The following LINGO2 variants were observed in gnomAD, a reference collection of about 807,000 sequenced individuals.
LINGO2 encodes leucine rich repeat and Ig domain containing 2.
A neutral mutation model predicts 30.6 loss-of-function variants in LINGO2; 14 were observed. The ratio of observed to expected loss-of-function variants is 0.46; its 90% CI spans 0.30 to 0.72. The LOEUF (loss-of-function observed/expected upper bound fraction) is 0.72, where lower values mean the gene tolerates loss of function less well. LINGO2 is among the 30% of genes least tolerant of loss of function. The pLI is 0.07. For missense variants in LINGO2, 729 were observed against 751.7 expected, an observed-to-expected ratio of 0.97 and a Z score of 0.35; for synonymous variants, 317 against 288.5, an observed-to-expected ratio of 1.10 and a Z score of -1.00.
intron 4 of LINGO2, among the ~76,000 whole-genome samples, chr9:28,232,662 AATTATT>A (rs1166779314): frequency 1.3e-5 from 2 of 151,974 alleles, no homozygotes; most frequent in Non-Finnish European, 2.9e-5. Flanking sequence ...AGTATACAAT[AATTATT>A]ATTAACTGCA....
intron 3 of LINGO2, among the ~76,000 whole-genome samples, chr9:28,296,718 T>G (rs183228521): frequency 6.7e-4 from 102 of 152,328 alleles, no homozygotes; most frequent in Admixed American, 7.2e-4. Context: ...TATGTGACAC[T>G]AAATGACAAT....
intron 2 of LINGO2, among the ~76,000 whole-genome samples, chr9:28,466,754 A>G (rs1825319172): frequency 6.6e-6 from 1 of 152,160 alleles, no homozygotes; most frequent in African/African-American, 2.4e-5. Flanking sequence ...TTATAAATTA[A>G]AAAAAGACAG....
intron 1 of LINGO2, among the ~76,000 whole-genome samples, chr9:28,642,129 C>A (rs1440058709): frequency 6.6e-6 from 1 of 151,066 alleles, no homozygotes; most frequent in Non-Finnish European, 1.5e-5. Context: ...TTAACATACA[C>A]TTTTACTCAG....
chr9:28,304,665 G>C (rs889607403), intron 3 of LINGO2, among the ~76,000 whole-genome samples: 2 of 151,860 alleles, frequency 1.3e-5, no homozygotes, highest in African/African-American at 2.4e-5. Flanking sequence ...AAGTCTTTTT[G>C]TGGATATATG....
chr9:28,012,608 T>A (rs1453483131), intron 4 of LINGO2, among the ~76,000 whole-genome samples: 2 of 151,894 alleles, frequency 1.3e-5, no homozygotes, highest in African/African-American at 4.8e-5. Context: ...CTCCTCCTTT[T>A]CTCACCCTAC....
At chr9:28,976,807 ATGTTTATTACTC>A in the LINGO2 span, among the ~76,000 whole-genome samples, 3 of 152,012 alleles carry the variant, frequency 2.0e-5, no homozygotes, top group East Asian at 5.8e-4. Context: ...TCTCCAATTG[ATGTTTATTACTC>A]TCAAGTTTTG....
intron 1 of LINGO2, among the ~76,000 whole-genome samples, chr9:28,520,809 G>A (rs1371280848): frequency 6.6e-6 from 1 of 152,102 alleles, no homozygotes; most frequent in Non-Finnish European, 1.5e-5. Flanking sequence ...AAAGCATGAA[G>A]GTACAATAAT....
chr9:28,029,543 G>A lies in LINGO2; in HGVS notation c.-86-17138C>T, dbSNP rs574572667. On this transcript the variant is annotated intron_variant, in intron 4 of 5. Coordinates refer to ENST00000379992, the Ensembl canonical transcript of LINGO2. ...ACCACTCTGAGTACCAGCAGCAGGA[G>A]CAGCTATGAAAGGAACCACATTTAT... 3.7e-4 allele frequency among the ~76,000 whole-genome samples: 57 copies of A among 152,246 alleles called. 1 individual carries two copies. In the South Asian group the frequency reaches 9.3e-3, roughly 25 times the overall value.
At chr9:27,986,875 C>G (rs931520186) in intron 5 of LINGO2, among the ~76,000 whole-genome samples, 2 of 151,790 alleles carry the variant, frequency 1.3e-5, no homozygotes, top group African/African-American at 2.4e-5. Flanking sequence ...TGGGGATGTT[C>G]TACTATCCAA....
intron 5 of LINGO2, among the ~76,000 whole-genome samples, chr9:27,961,898 T>G (rs1261073291): frequency 6.6e-6 from 1 of 152,116 alleles, no homozygotes; most frequent in African/African-American, 2.4e-5. Context: ...TTATTTACAC[T>G]CTTTTGACAA....
At chr9:28,599,312 C>G (rs1825356525) in intron 1 of LINGO2, 1 of 152,082 alleles carries the variant, frequency 6.6e-6, no homozygotes, top group African/African-American at 2.4e-5. Context: ...GAACATTTTT[C>G]TTGCAGAGTT....
At position 28,452,726 on chromosome 9, in the gene LINGO2, T is replaced by G. The variant is rs904229504; in HGVS notation, c.-279+23214A>C. Among the ~76,000 whole-genome samples, 4 of 151,838 alleles carry G rather than the reference T, an allele frequency of 2.6e-5. No individual in the cohort carries two copies. In the East Asian group the frequency reaches 7.7e-4, roughly 29 times the overall value. On this transcript the variant is annotated intron_variant, in intron 2 of 5. Transcript: ENST00000379992. ...AATATAGAAATGCCTGGGCTGGGTCTGGAAGAATTAGTAGAAATTTGCTAG... is the reference window on the plus strand; with the variant it reads ...AATATAGAAATGCCTGGGCTGGGTCGGGAAGAATTAGTAGAAATTTGCTAG...
chr9:28,312,637 T>C (rs1399720861), intron 3 of LINGO2, among the ~76,000 whole-genome samples: 1 of 152,136 alleles, frequency 6.6e-6, no homozygotes, highest in Non-Finnish European at 1.5e-5. Context: ...AAATAAGTCT[T>C]TATCCCTTCT....
chr9:28,005,106 G>C (rs1385819474), intron 5 of LINGO2, among the ~76,000 whole-genome samples: 1 of 152,140 alleles, frequency 6.6e-6, no homozygotes, highest in Non-Finnish European at 1.5e-5. Context: ...CTTGGAAAAA[G>C]GGAAATAATT....
At chr9:28,555,800 T>C (rs913074180) in intron 1 of LINGO2, among the ~76,000 whole-genome samples, 1 of 152,026 alleles carries the variant, frequency 6.6e-6, no homozygotes, top group Admixed American at 6.6e-5. Context: ...TTATCCACCA[T>C]GATCAAGTGG....
rs145295567 is a variant in LINGO2 at position 28,600,265 on chromosome 9, T to C, written c.-365+69935A>G. Among the ~76,000 whole-genome samples the C allele has an allele frequency of 2.6e-3, 391 of 152,278 alleles. 3 individuals are homozygous for C. Among genetic ancestry groups the C allele is most frequent in the African/African-American group, 9.0e-3 (375 of 41,576 alleles). On this transcript the variant is annotated intron_variant, in intron 1 of 5. Coordinates refer to ENST00000379992, the Ensembl canonical transcript of LINGO2. ...ATGGCTTAAAGGGACTTCTGTTTGT[T>C]TGTTTCCCCAGTAATGAGGACAAAG...
intron 1 of LINGO2, among the ~76,000 whole-genome samples, chr9:28,506,299 C>T (rs901030977): frequency 8.7e-5 from 13 of 150,216 alleles, no homozygotes; most frequent in East Asian, 2.0e-4. Context: ...CTCTATTTGA[C>T]GATGTTCAAT....
chr9:29,149,606 A>G, the LINGO2 span, among the ~76,000 whole-genome samples: 2 of 151,858 alleles, frequency 1.3e-5, no homozygotes, highest in East Asian at 3.9e-4. Context: ...CCTAGGGAAG[A>G]GGTGAGTGAA....
At chr9:29,171,857 A>G in the LINGO2 span, among the ~76,000 whole-genome samples, 9 of 151,942 alleles carry the variant, frequency 5.9e-5, no homozygotes, top group Non-Finnish European at 4.4e-5. Flanking sequence ...CTGAATAAGA[A>G]AGTAAAAATT....
Sources: gnomAD v4.1 joint callset for allele counts (sites outside exome capture counted in the v4.1 genomes callset) on GRCh38, gnomAD v4.1.1 for gene constraint, MANE v1.5 for transcripts, NCBI Gene and HGNC (gene_info 2026-07-23, HGNC 2026-07-21) for gene names.